The following PROS1 variants were observed in gnomAD, a reference collection of about 807,000 sequenced individuals.
PROS1 encodes the protein protein S, also known as vitamin K-dependent protein S.
In PROS1, 29 loss-of-function variants were observed where a neutral mutation model predicts 75.9. That is an observed-to-expected ratio of 0.38 (90% CI 0.28 to 0.52). PROS1 has a LOEUF of 0.52. Among genes scored for constraint, PROS1 ranks in the 20% least tolerant of loss-of-function variants. The pLI, the probability that PROS1 is intolerant of heterozygous loss-of-function variation, is 0.83. For synonymous variants in PROS1, 245 were observed against 280.6 expected, an observed-to-expected ratio of 0.87 and a Z score of 1.27; for missense variants, 680 against 810.3, an observed-to-expected ratio of 0.84 and a Z score of 1.95.
In PROS1 at chr3:93,960,351, G is replaced by T. The variant is rs1483117856; in HGVS notation, c.76+13323C>A. Reference sequence around the variant, plus strand: ...ACCACCATGCCCAGCTAATTTTTTTGTATTTTTAGTAGAGATGAGTTTCAC... The same window carrying T: ...ACCACCATGCCCAGCTAATTTTTTTTTATTTTTAGTAGAGATGAGTTTCAC... On this transcript the variant is annotated intron_variant, in intron 1 of 14. Transcript: ENST00000394236. Among the ~76,000 whole-genome samples the T allele has an allele frequency of 2.0e-5, 3 of 151,520 alleles. No individual in the cohort carries two copies. In the East Asian group the frequency reaches 5.8e-4, roughly 29 times the overall value.
intron 3 of PROS1, among the ~76,000 whole-genome samples, chr3:93,923,329 A>G (rs1708970671): frequency 6.6e-6 from 1 of 152,220 alleles, no homozygotes; most frequent in South Asian, 2.1e-4. Flanking sequence ...AAAGGAATGT[A>G]TCCTCTACAG....
chr3:93,874,037 T>G lies in PROS1; in HGVS notation c.*208A>C. 1 of 561,906 alleles carries G rather than the reference T, an allele frequency of 1.8e-6. No homozygotes were observed. The highest frequency in any genetic ancestry group is 3.3e-5 in the East Asian group (1 of 30,700). 34.8% of individuals were successfully genotyped at this position (561,906 alleles called of 1,614,324 possible). On this transcript the variant is annotated 3_prime_UTR_variant, in exon 15 of 15. Coordinates refer to ENST00000394236, the MANE Select transcript of PROS1 (RefSeq NM_000313.4). ...TTAAAATTGTTATTTTTCACTATTCTTAGATAGCAAGAGAAGTAAGAATTT... is the reference window on the plus strand; with the variant it reads ...TTAAAATTGTTATTTTTCACTATTCGTAGATAGCAAGAGAAGTAAGAATTT...
rs1576221433 is a variant in PROS1 at position 93,966,999 on chromosome 3, C to A, written c.76+6675G>T. Among the ~76,000 whole-genome samples, 6 of 152,084 alleles carry A rather than the reference C, an allele frequency of 3.9e-5. No homozygotes were observed. The South Asian group carries it at 1.2e-3, about 32-fold the overall frequency. ...GGGCCAAACACAGAAGTTTATAGGC[C>A]ACATATGGCTTTCGGGTTGCCCCCA... On this transcript the variant is annotated intron_variant, in intron 1 of 14. Transcript: ENST00000394236.
intron 1 of PROS1, among the ~76,000 whole-genome samples, chr3:93,940,775 G>C (rs1354594913): frequency 6.6e-6 from 1 of 151,988 alleles, no homozygotes; most frequent in Non-Finnish European, 1.5e-5. Context: ...AGGCTTTAAG[G>C]GGATTAAAGC....
At chr3:93,926,988 G>A (rs986859521) in intron 2 of PROS1, among the ~76,000 whole-genome samples, 1 of 151,908 alleles carries the variant, frequency 6.6e-6, no homozygotes, top group Non-Finnish European at 1.5e-5. Context: ...TACAAACCAT[G>A]AGGTCAATAC....
intron 1 of PROS1, among the ~76,000 whole-genome samples, chr3:93,944,194 A>G (rs1463562182): frequency 6.6e-6 from 1 of 150,488 alleles, no homozygotes; most frequent in Non-Finnish European, 1.5e-5. Context: ...GAAACCAGAT[A>G]AATACATAAA....
intron 1 of PROS1, among the ~76,000 whole-genome samples, chr3:93,937,715 G>C (rs775942400): frequency 5.3e-5 from 8 of 152,286 alleles, no homozygotes; most frequent in Non-Finnish European, 5.9e-5. Context: ...CCCAGGCCCA[G>C]TTTTGGGCCT....
At chr3:93,877,272 T>C (rs1003236841) in intron 13 of PROS1, 81 bp from the exon 14 acceptor site, 3 of 1,063,598 alleles carry the variant, frequency 2.8e-6, no homozygotes, top group Middle Eastern at 2.1e-4. Context: ...TTTTTGAAAG[T>C]CAAAAACTAA....
At chr3:93,887,208 G>A (rs1708362351) in intron 10 of PROS1, among the ~76,000 whole-genome samples, 1 of 152,160 alleles carries the variant, frequency 6.6e-6, no homozygotes, top group South Asian at 2.1e-4. Flanking sequence ...GTGAGCCACC[G>A]CGCCCGGCCC....
intron 1 of PROS1, among the ~76,000 whole-genome samples, chr3:93,928,093 C>T (rs1217320470): frequency 7.3e-6 from 1 of 137,810 alleles, no homozygotes; most frequent in African/African-American, 2.7e-5. Context: ...CGGCTCACTG[C>T]AACCTCTGCC....
intron 3 of PROS1, among the ~76,000 whole-genome samples, chr3:93,914,050 C>G (rs975551480): frequency 1.3e-5 from 2 of 152,246 alleles, no homozygotes; most frequent in African/African-American, 4.8e-5. Flanking sequence ...GGGCTGAGCC[C>G]TCAAGGTCTT....
intron 9 of PROS1, among the ~76,000 whole-genome samples, chr3:93,895,255 T>C (rs1403739159): frequency 6.6e-6 from 1 of 152,228 alleles, no homozygotes; most frequent in Non-Finnish European, 1.5e-5. Context: ...GATGAGGAAC[T>C]CAAGGATTTG....
intron 3 of PROS1, among the ~76,000 whole-genome samples, chr3:93,920,099 C>G (rs539855375): frequency 6.6e-6 from 1 of 152,222 alleles, no homozygotes; most frequent in South Asian, 2.1e-4. Context: ...TTGCTCTGAA[C>G]ATATAAATTT....
intron 3 of PROS1, among the ~76,000 whole-genome samples, chr3:93,918,321 G>A (rs1413961005): frequency 2.0e-5 from 3 of 152,034 alleles, no homozygotes; most frequent in Admixed American, 6.6e-5. Flanking sequence ...GGATGTGGGT[G>A]GGGCCAGATA....
intron 1 of PROS1, among the ~76,000 whole-genome samples, chr3:93,961,049 TATGATAG>T (rs1473319938): frequency 6.6e-6 from 1 of 152,158 alleles, no homozygotes; most frequent in Non-Finnish European, 1.5e-5. Flanking sequence ...TGCAAAGCTT[TATGATAG>T]TTCAATTCAT....
intron 1 of PROS1, among the ~76,000 whole-genome samples, chr3:93,969,597 G>A (rs540484349): frequency 1.3e-5 from 2 of 152,268 alleles, no homozygotes; most frequent in South Asian, 4.1e-4. Context: ...AGACAGAATT[G>A]AGTCATCTGA....
At chr3:93,884,237 A>G (rs1708313463) in intron 12 of PROS1, among the ~76,000 whole-genome samples, 1 of 152,226 alleles carries the variant, frequency 6.6e-6, no homozygotes, top group Non-Finnish European at 1.5e-5. Context: ...GACGAGACTC[A>G]GATATGACAC....
At chr3:93,965,504 G>C (rs1218880932) in intron 1 of PROS1, among the ~76,000 whole-genome samples, 3 of 152,038 alleles carry the variant, frequency 2.0e-5, no homozygotes, top group Non-Finnish European at 4.4e-5. Context: ...GCTTCTAATA[G>C]AGCTATAACA....
chr3:93,920,556 G>C (rs1208512852), intron 3 of PROS1, among the ~76,000 whole-genome samples: 1 of 151,988 alleles, frequency 6.6e-6, no homozygotes, highest in Non-Finnish European at 1.5e-5. Flanking sequence ...CCTATATTTT[G>C]TCTATGGATT....
Sources: allele counts gnomAD v4.1 joint callset (sites outside exome capture counted in the v4.1 genomes callset), GRCh38; gene constraint gnomAD v4.1.1; transcripts MANE v1.5; gene names NCBI Gene and HGNC (gene_info 2026-07-23, HGNC 2026-07-21).